The following DSP variants were observed in gnomAD, a reference collection of about 807,000 sequenced individuals.
The protein encoded by DSP is desmoplakin.
Under a neutral mutation model 290.6 loss-of-function variants are expected in DSP, and 114 were observed. The observed-to-expected ratio is 0.39, with a 90% confidence interval of 0.34 to 0.46. DSP has a LOEUF of 0.46. DSP is among the 20% of genes least tolerant of loss of function. The probability of loss-of-function intolerance (pLI) is 0.99; values close to 1 mark genes in which losing one functional copy is unlikely to be tolerated. For missense variants in DSP, 3,230 were observed against 3,495.8 expected, an observed-to-expected ratio of 0.92 and a Z score of 1.92; for synonymous variants, 1,311 against 1,316.4, an observed-to-expected ratio of 1.00 and a Z score of 0.09.
intron 1 of DSP, among the ~76,000 whole-genome samples, chr6:7,547,990 C>A (rs935735690): frequency 7.2e-5 from 11 of 152,130 alleles, no homozygotes; most frequent in African/African-American, 2.4e-4. Flanking sequence ...GAAATTTCTG[C>A]CGGGCGCGGT....
rs910215418 is a variant in DSP, at chr6:7,585,872, G to A, written c.8610G>A (p.Gly2870=). The A allele has an allele frequency of 5.0e-6, 8 of 1,613,678 alleles. No individual in the cohort carries two copies. Among genetic ancestry groups the A allele is most frequent in the Non-Finnish European group, 6.8e-6 (8 of 1,179,986 alleles). The change falls in exon 24 of 24, where the codon GGG becomes GGA. Residue 2870 remains glycine (G), a synonymous_variant. Coordinates refer to ENST00000379802, the MANE Select transcript of DSP (RefSeq NM_004415.4). ...YSYSFSSSSI[G]H ...ACTCATTTAGCAGTAGTTCTATTGG[G>A]CACTAGTAGTCAGTTGGGAGTGGTT... is the stretch of plus-strand genomic sequence containing the variant.
At chr6:7,555,902 G>A in intron 2 of DSP, 82 bp downstream of exon 2, 2 of 1,270,278 alleles carry the variant, frequency 1.6e-6, no homozygotes, top group African/African-American at 1.5e-5. Flanking sequence ...GCTGGCCGGG[G>A]CCTATTCACT....
intron 2 of DSP, among the ~76,000 whole-genome samples, chr6:7,556,204 T>A (rs1457048949): frequency 6.6e-6 from 1 of 150,604 alleles, no homozygotes; most frequent in Admixed American, 6.6e-5. Flanking sequence ...TTTAGTATGA[T>A]TTTTTTTTTC....
intron 7 of DSP, among the ~76,000 whole-genome samples, chr6:7,566,010 C>G (rs1006809440): frequency 2.0e-5 from 3 of 152,100 alleles, no homozygotes; most frequent in African/African-American, 7.2e-5. Flanking sequence ...GGGGCAATAC[C>G]TTGTTTAATA....
In DSP at chr6:7,575,480, C is replaced by G. The variant is rs751067479; in HGVS notation, c.2622C>G (p.Ile874Met). ...GCTGGCAAAGGATAGATAAACAGAT[C>G]GACTTTAGGTATGCCAGCCTCCTCC... ...TDRWQRIDKQIDFRLWDLEKQ... is the reference protein window; with the variant it reads ...TDRWQRIDKQMDFRLWDLEKQ... Residue 874 changes from isoleucine (I) to methionine (M), a missense_variant, in exon 18 of 24, where the codon ATC becomes ATG. Transcript: ENST00000379802. The G allele has an allele frequency of 4.8e-5, 78 of 1,614,004 alleles. 1 individual carries two copies. The highest frequency in any genetic ancestry group is 6.2e-5 in the Non-Finnish European group (73 of 1,180,018).
At position 7,565,093 on chromosome 6, in the gene DSP, G is replaced by A. The variant is rs1581798885; in HGVS notation, c.778-266G>A. 6.6e-6 allele frequency among the ~76,000 whole-genome samples: 1 copy of A among 152,068 alleles called. No individual in the cohort carries two copies. The highest frequency in any genetic ancestry group is 1.5e-5 in the Non-Finnish European group (1 of 68,008). Reference sequence around the variant, plus strand: ...CGGGAGGGGGAGGTTGCAGTGAACCGAGATCGCTCATGCCACTGCACTCCA... The same window carrying A: ...CGGGAGGGGGAGGTTGCAGTGAACCAAGATCGCTCATGCCACTGCACTCCA... On this transcript the variant is annotated intron_variant, in intron 6 of 23. Coordinates refer to ENST00000379802, the MANE Select transcript of DSP (RefSeq NM_004415.4). This position sits in a 1 kb window ranked among gnomAD's most constrained non-coding sequence, Gnocchi z 4.2.
rs751246453 is a variant in DSP at position 7,567,398 on chromosome 6, G to C, written c.1089G>C (p.Gln363His). 5 of 1,614,058 alleles carry C rather than the reference G, an allele frequency of 3.1e-6. No homozygotes were observed. In the South Asian group the frequency reaches 3.3e-5, roughly 11 times the overall value. Residue 363 changes from glutamine (Q) to histidine (H), a missense_variant, in exon 9 of 24, where the codon CAG (glutamine) becomes CAC (histidine). Physicochemically the swap from Gln to His is conservative, Grantham distance 24. Around this residue, in one of 5 missense-constraint regions of DSP, gnomAD observed 646 missense variants for 684.3 expected, o/e 0.94. Transcript: ENST00000379802. ...TLQTQWSWIL[Q>H]ITKCIDVHLK... The stretch of plus-strand genomic sequence containing the variant: ...AGACGCAGTGGAGTTGGATTCTTCA[G>C]ATCACCAAGTGCATTGATGTTCATC...
At position 7,565,684 on chromosome 6, in the gene DSP, G is replaced by A. The variant is rs957645909; in HGVS notation, c.939+164G>A. ...ATCCTTCCTTCCTGAAAACTTCTCC[G>A]TGTGGAGGCCATTATCCTTAGCAAA... On this transcript the variant is annotated intron_variant, in intron 7 of 23. Transcript: ENST00000379802. The surrounding 1 kb of genome is among the most constrained non-coding windows in gnomAD (Gnocchi z 4.2). 1.1e-5 allele frequency: 10 copies of A among 895,222 alleles called. No homozygotes were observed. Among genetic ancestry groups the A allele is most frequent in the Middle Eastern group, 3.3e-4 (1 of 3,006 alleles). The allele number at this position is 895,222 out of a possible 1,614,324, so 55.5% of individuals were successfully genotyped here.
chr6:7,574,837 T>G (rs2113684388), intron 17 of DSP, 42 bp downstream of exon 17: 4 of 1,613,926 alleles, frequency 2.5e-6, no homozygotes, highest in Non-Finnish European at 3.4e-6. Context: ...TTACAGGAAC[T>G]AATTCAGATC....
At position 7,570,561 on chromosome 6, in the gene DSP, A is replaced by G; in HGVS notation, c.1699A>G (p.Lys567Glu). 1 of 1,612,932 alleles carries G rather than the reference A, an allele frequency of 6.2e-7. No individual in the cohort carries two copies. The highest frequency in any genetic ancestry group is 8.5e-7 in the Non-Finnish European group (1 of 1,180,008). Residue 567 changes from lysine (K) to glutamate (E), a missense_variant and splice_region_variant, in exon 13 of 24, where the codon AAG becomes GAG. Transcript: ENST00000379802. ...GAAGATCAGGGCCATGACAATCGCC[A>G]AGGTATGTCCTCAGGGCCACTTAGG... is the stretch of plus-strand genomic sequence containing the variant. ...IEKIRAMTIA[K>E]LKTMRQEDYM... is the part of the protein sequence containing the mutation.
At chr6:7,562,376 T>C (rs573480113) in intron 4 of DSP, among the ~76,000 whole-genome samples, 60 of 152,056 alleles carry the variant, frequency 3.9e-4, no homozygotes, top group African/African-American at 1.4e-3. Flanking sequence ...AGATTTGGTT[T>C]TTTTTTTTTT....
intron 1 of DSP, among the ~76,000 whole-genome samples, chr6:7,554,376 G>T (rs2744374): frequency 0.27 from 40,970 of 152,042 alleles, 6,097 homozygotes; most frequent in African/African-American, 0.39. Flanking sequence ...CTGTCATCTC[G>T]TTCTTTAAGA....
rs1170072296 is a variant in DSP, at chr6:7,585,045, A to G, written c.7783A>G (p.Thr2595Ala). Residue 2595 changes from threonine (T) to alanine (A), a missense_variant, in exon 24 of 24, where the codon ACC becomes GCC. Thr to Ala is a moderately conservative substitution (Grantham distance 58, BLOSUM62 0). Around this residue, in one of 5 missense-constraint regions of DSP, gnomAD observed 582 missense variants for 555.4 expected, o/e 1.05. Transcript: ENST00000379802. The part of the protein sequence containing the change: ...SRHESVSKIS[T>A]ISSVRNLTIR... ...ACATGAATCAGTAAGTAAGATTTCC[A>G]CCATATCCAGCGTCAGGAATTTAAC... The G allele has an allele frequency of 1.2e-6, 2 of 1,614,066 alleles. No individual in the cohort carries two copies. Among genetic ancestry groups the G allele is most frequent in the Non-Finnish European group, 8.5e-7 (1 of 1,180,030 alleles).
At position 7,541,745 on chromosome 6, in the gene DSP, C is replaced by A. The variant is rs1581776840; in HGVS notation, c.-171C>A. 1.2e-6 allele frequency: 1 copy of A among 810,734 alleles called. No homozygotes were observed. 50.2% of individuals were successfully genotyped at this position (810,734 alleles called of 1,614,324 possible). ...CCCCCGGCCCGTCGCCGTCTCCGCG[C>A]TCGCAGCGGCCTCGGGAGGGCCCAG... is the stretch of plus-strand genomic sequence containing the variant. On this transcript the variant is annotated 5_prime_UTR_variant, in exon 1 of 24. Coordinates refer to ENST00000379802, the MANE Select transcript of DSP (RefSeq NM_004415.4).
In DSP at chr6:7,584,508, T is replaced by C. The variant is rs2113701908; in HGVS notation, c.7246T>C (p.Phe2416Leu). The C allele has an allele frequency of 1.2e-6, 2 of 1,614,180 alleles. No individual in the cohort carries two copies. Among genetic ancestry groups the C allele is most frequent in the Non-Finnish European group, 1.7e-6 (2 of 1,180,040 alleles). The change falls in exon 24 of 24, where the codon TTT becomes CTT. Residue 2416 changes from phenylalanine to leucine, a missense_variant. Physicochemically the swap from Phe to Leu is conservative, Grantham distance 22 (BLOSUM62 0). Coordinates refer to ENST00000379802, the MANE Select transcript of DSP (RefSeq NM_004415.4). The surrounding 1 kb of genome is among the most constrained non-coding windows in gnomAD (Gnocchi z 6.4). ...TCCAAGTGATGATACCAAAGGATTT[T>C]TTGACCCCAACACTGAAGAAAATCT... ...SDPSDDTKGF[F>L]DPNTEENLTY...
chr6:7,542,642 C>T (rs1357403703), intron 1 of DSP, among the ~76,000 whole-genome samples: 1 of 152,080 alleles, frequency 6.6e-6, no homozygotes, highest in African/African-American at 2.4e-5. Flanking sequence ...ATCAAGGCTG[C>T]GCGTCCCGGC....
rs1758909456 is a variant in DSP, at chr6:7,567,801, T to A, written c.1161T>A (p.Ser387=). Residue 387 remains serine (S), a synonymous_variant, in exon 10 of 24, where the codon TCT becomes TCA. Transcript: ENST00000379802. ...CACAGTTTTTTGAAGAGGCGCAGTC[T>A]ACTGAAGCATACCTGAAGGGGCTCC... ...AYFQFFEEAQ[S]TEAYLKGLQD... 2.5e-6 allele frequency: 4 copies of A among 1,614,014 alleles called. No individual in the cohort carries two copies. The highest frequency in any genetic ancestry group is 3.4e-6 in the Non-Finnish European group (4 of 1,179,950).
chr6:7,542,770 C>T (rs1346145824), intron 1 of DSP, among the ~76,000 whole-genome samples: 1 of 152,162 alleles, frequency 6.6e-6, no homozygotes, highest in African/African-American at 2.4e-5. Context: ...GTGCCTGTTA[C>T]CTTCGGTCGT....
At position 7,565,297 on chromosome 6, in the gene DSP, T is replaced by G; in HGVS notation, c.778-62T>G. The stretch of plus-strand genomic sequence containing the variant: ...GGACCACAGGTTTAATCTTTAAACC[T>G]GCAGAGAACACCAGTCACTGCATAT... On this transcript the variant is annotated intron_variant, in intron 6 of 23. Transcript: ENST00000379802. This position sits in a 1 kb window ranked among gnomAD's most constrained non-coding sequence, Gnocchi z 4.2. 6.3e-7 allele frequency: 1 copy of G among 1,597,988 alleles called. No individual in the cohort carries two copies. Among genetic ancestry groups the G allele is most frequent in the Non-Finnish European group, 8.6e-7 (1 of 1,168,052 alleles).
Sources: allele counts gnomAD v4.1 joint callset (sites outside exome capture counted in the v4.1 genomes callset), GRCh38; gene constraint gnomAD v4.1.1; regional missense constraint gnomAD v4.1.1; non-coding constraint Gnocchi (gnomAD v3.1); transcripts MANE v1.5; gene names NCBI Gene and HGNC (gene_info 2026-07-23, HGNC 2026-07-21).